Variants in CHRM3 observed in about 807,000 individuals in gnomAD.
The protein encoded by CHRM3 is muscarinic acetylcholine receptor M3.
A neutral mutation model predicts 41.8 loss-of-function variants in CHRM3; 11 were observed. That is an observed-to-expected ratio of 0.26 (90% confidence interval 0.17 to 0.44). The LOEUF (loss-of-function observed/expected upper bound fraction) is 0.44, where lower values mean the gene tolerates loss of function less well. Ranked by LOEUF, CHRM3 falls within the 20% of genes least tolerant of loss-of-function variation. The probability of loss-of-function intolerance (pLI) is 1.00; values close to 1 mark genes in which losing one functional copy is unlikely to be tolerated. For missense variants in CHRM3, 571 were observed against 745.4 expected (o/e 0.77, Z 2.72); for synonymous variants, 297 against 301.4 (o/e 0.99, Z 0.15).
At chr1:239,443,522 CTG>C (rs1663890340) in intron 1 of CHRM3, among the ~76,000 whole-genome samples, 1 of 152,112 alleles carries the variant, frequency 6.6e-6, no homozygotes, top group South Asian at 2.1e-4. Context: ...ATCAAAGTGT[CTG>C]TGAAGAAAAA....
rs575305110 is a variant in CHRM3, at chr1:239,726,682, T to C, written c.-147+48394T>C. Reference sequence around the variant, plus strand: ...AAATCAATGGGCAATAATTCTGTTTTCTGCTGAATGTAAAATCCTTAACAA... The same window carrying C: ...AAATCAATGGGCAATAATTCTGTTTCCTGCTGAATGTAAAATCCTTAACAA... On this transcript the variant is annotated intron_variant, in intron 5 of 6. Transcript: ENST00000676153. Among the ~76,000 whole-genome samples, 3 of 152,038 alleles carry C rather than the reference T, an allele frequency of 2.0e-5. No individual in the cohort carries two copies. The South Asian group carries it at 6.2e-4, about 31-fold the overall frequency.
Position 239,908,577 on chromosome 1 carries a change from A to G in CHRM3, c.1126A>G (p.Thr376Ala), listed in dbSNP as rs200804464. 2 of 1,594,240 alleles carry G rather than the reference A, an allele frequency of 1.3e-6. No individual in the cohort carries two copies. The highest frequency in any genetic ancestry group is 1.7e-6 in the Non-Finnish European group (2 of 1,170,370). Residue 376 changes from threonine to alanine, a missense_variant, in exon 7 of 7, where the codon ACC becomes GCC. By Grantham distance (58) the Thr-to-Ala change is moderately conservative. Transcript: ENST00000676153. This position sits in a 1 kb window ranked among gnomAD's most constrained non-coding sequence, Gnocchi z 7.2. ...SIVLKLPGHS[T>A]ILNSTKLPSS... ...CGTGCTCAAGCTTCCGGGTCACAGC[A>G]CCATCCTCAACTCCACCAAGTTACC...
At chr1:239,713,508 C>T (rs1662023192) in intron 5 of CHRM3, among the ~76,000 whole-genome samples, 1 of 152,166 alleles carries the variant, frequency 6.6e-6, no homozygotes, top group Non-Finnish European at 1.5e-5. Flanking sequence ...ATGCTGAATG[C>T]AACTGTAATC....
intron 5 of CHRM3, among the ~76,000 whole-genome samples, chr1:239,740,105 T>C (rs145134999): frequency 3.3e-5 from 5 of 152,114 alleles, no homozygotes; most frequent in African/African-American, 1.2e-4. Context: ...TGTGAGATAT[T>C]TGGGTATCTC....
intron 5 of CHRM3, among the ~76,000 whole-genome samples, chr1:239,781,214 A>G (rs1043659861): frequency 1.3e-5 from 2 of 152,154 alleles, no homozygotes; most frequent in Non-Finnish European, 2.9e-5. Flanking sequence ...CATCTGGACA[A>G]TATGGAGTCT....
rs2149080010 is a variant in CHRM3 at position 239,827,330 on chromosome 1, T to G, written c.-68T>G. ...CCGGGATCATCATGACCGTAGAGAT[T>G]ATGTCACTGTTTTGCATCCTTGTTA... On this transcript the variant is annotated 5_prime_UTR_variant, in exon 6 of 7. The change creates a new upstream start codon in the 5' untranslated region. Coordinates refer to ENST00000676153, the MANE Select transcript of CHRM3 (RefSeq NM_001375978.1). The G allele has an allele frequency of 6.6e-6, 1 of 152,324 alleles. No homozygotes were observed. Among genetic ancestry groups the G allele is most frequent in the East Asian group, 1.9e-4 (1 of 5,174 alleles). 9.4% of individuals were successfully genotyped at this position (152,324 alleles called of 1,614,324 possible).
chr1:239,885,169 C>A (rs2102902579), intron 6 of CHRM3, among the ~76,000 whole-genome samples: 1 of 152,292 alleles, frequency 6.6e-6, no homozygotes, highest in Middle Eastern at 3.4e-3. Context: ...TACCTCCAAA[C>A]TACCCAGTCT....
intron 1 of CHRM3, among the ~76,000 whole-genome samples, chr1:239,474,623 C>A (rs1387196174): frequency 1.3e-5 from 2 of 151,780 alleles, no homozygotes; most frequent in Non-Finnish European, 2.9e-5. Flanking sequence ...GACAAATAAT[C>A]AAAAAATTAA....
At chr1:239,475,224 T>C (rs1374697781) in intron 1 of CHRM3, among the ~76,000 whole-genome samples, 1 of 152,090 alleles carries the variant, frequency 6.6e-6, no homozygotes, top group African/African-American at 2.4e-5. Context: ...TGAAGGATAG[T>C]TTCAAGTAAG....
chr1:239,706,752 A>G (rs991295705), intron 5 of CHRM3, among the ~76,000 whole-genome samples: 6 of 149,898 alleles, frequency 4.0e-5, no homozygotes, highest in African/African-American at 1.5e-4. Context: ...ATGCACCCCC[A>G]CACCCATGTG....
intron 6 of CHRM3, among the ~76,000 whole-genome samples, chr1:239,847,217 T>A (rs147800494): frequency 6.6e-6 from 1 of 152,326 alleles, no homozygotes; most frequent in Non-Finnish European, 1.5e-5. Context: ...CAACACTTCC[T>A]TTTATTTCTC....
At chr1:239,742,696 C>G (rs1321849139) in intron 5 of CHRM3, among the ~76,000 whole-genome samples, 1 of 152,102 alleles carries the variant, frequency 6.6e-6, no homozygotes, top group Admixed American at 6.6e-5. Flanking sequence ...TTTATCACAA[C>G]CATCCTAAGT....
intron 6 of CHRM3, among the ~76,000 whole-genome samples, chr1:239,869,411 A>G (rs1676387174): frequency 6.6e-6 from 1 of 152,202 alleles, no homozygotes; most frequent in Non-Finnish European, 1.5e-5. Context: ...GTCAAAGAAC[A>G]GCCTTGTAAG....
intron 1 of CHRM3, among the ~76,000 whole-genome samples, chr1:239,441,202 G>A (rs531397388): frequency 8.5e-5 from 13 of 152,246 alleles, no homozygotes; most frequent in South Asian, 6.2e-4. Context: ...GGGAAGGCAC[G>A]CTTATAATTG....
chr1:239,837,035 C>A (rs573975766), intron 6 of CHRM3, among the ~76,000 whole-genome samples: 1 of 151,130 alleles, frequency 6.6e-6, no homozygotes, highest in South Asian at 2.1e-4. Flanking sequence ...TTGGACCATA[C>A]AGTGTCAGCA....
intron 3 of CHRM3, among the ~76,000 whole-genome samples, chr1:239,547,708 A>G (rs1247524178): frequency 6.6e-6 from 1 of 152,200 alleles, no homozygotes; most frequent in Non-Finnish European, 1.5e-5. Flanking sequence ...AAAATAATGT[A>G]AATGAGAGAA....
chr1:239,679,942 GT>G (rs1187934829), intron 5 of CHRM3, among the ~76,000 whole-genome samples: 1 of 151,982 alleles, frequency 6.6e-6, no homozygotes, highest in Non-Finnish European at 1.5e-5. Flanking sequence ...AGAGATACTG[GT>G]TCTCCGGCTT....
intron 6 of CHRM3, among the ~76,000 whole-genome samples, chr1:239,857,545 T>C (rs1367370096): frequency 6.6e-6 from 1 of 152,332 alleles, no homozygotes; most frequent in Non-Finnish European, 1.5e-5. Flanking sequence ...ATAAAACATC[T>C]TTTTAAAGTT....
At chr1:239,897,609 G>A (rs1000757538) in intron 6 of CHRM3, among the ~76,000 whole-genome samples, 1 of 151,958 alleles carries the variant, frequency 6.6e-6, no homozygotes, top group East Asian at 1.9e-4. Context: ...GTTTGCAGTG[G>A]AACAGAATCC....
Sources: gnomAD v4.1 joint callset for allele counts (sites outside exome capture counted in the v4.1 genomes callset) on GRCh38, gnomAD v4.1.1 for gene constraint, Gnocchi (gnomAD v3.1) non-coding constraint, MANE v1.5 for transcripts, NCBI Gene and HGNC (gene_info 2026-07-23, HGNC 2026-07-21) for gene names.